The following MTMR6 variants were observed in gnomAD, a reference collection of about 807,000 sequenced individuals.
MTMR6 encodes the protein phosphatidylinositol-3,5-bisphosphate 3-phosphatase MTMR6.
In MTMR6, 47 loss-of-function variants were observed where a neutral mutation model predicts 80.1. That is an observed-to-expected ratio of 0.59 (90% CI 0.46 to 0.75). The LOEUF (loss-of-function observed/expected upper bound fraction) is 0.75, where lower values mean the gene tolerates loss of function less well. Ranked by LOEUF, MTMR6 falls within the 30% of genes least tolerant of loss-of-function variation. MTMR6 has a pLI of 0.00. For missense variants in MTMR6, 629 were observed against 730.9 expected (o/e 0.86, Z 1.61); for synonymous variants, 254 against 253.0 (o/e 1.00, Z -0.04).
In MTMR6 at chr13:25,265,901, C is replaced by T; in HGVS notation, c.509G>A (p.Ser170Asn). ...PRELYVPRIA[S>N]KPIIVGSSKF... ...GGAACTACCAACAATTATTGGTTTG[C>T]TTGCTATCCGGGGAACATAAAGTTC... The change falls in exon 5 of 14, where the codon AGC becomes AAC. Residue 170 changes from serine to asparagine, a missense_variant. Ser to Asn is a conservative substitution (Grantham distance 46, BLOSUM62 1). Coordinates refer to ENST00000381801, the MANE Select transcript of MTMR6 (RefSeq NM_004685.5). 6.2e-7 allele frequency: 1 copy of T among 1,614,040 alleles called. No individual in the cohort carries two copies.
At position 25,249,230 on chromosome 13, in the gene MTMR6, G is replaced by A. The variant is rs762766462; in HGVS notation, c.*2C>T. ...AATCATTGCAGAAAAAACTCTATGA[G>A]TCTAACAAGTCATTCTTGCCACACC... On this transcript the variant is annotated 3_prime_UTR_variant, in exon 14 of 14. Coordinates refer to ENST00000381801, the MANE Select transcript of MTMR6 (RefSeq NM_004685.5). The A allele has an allele frequency of 1.4e-5, 23 of 1,611,822 alleles. No individual in the cohort carries two copies. In the East Asian group the frequency reaches 2.2e-4, roughly 16 times the overall value.
chr13:25,247,916 C>T lies in MTMR6; in HGVS notation c.*1316G>A, dbSNP rs1282002540. The T allele has an allele frequency of 6.6e-6, 1 of 151,932 alleles. No homozygotes were observed. The highest frequency in any genetic ancestry group is 2.4e-5 in the African/African-American group (1 of 41,370). 9.4% of individuals were successfully genotyped at this position (151,932 alleles called of 1,614,324 possible). A position where few individuals can be genotyped will look rare whatever the true frequency, so the allele number is the denominator to read the frequency against. On this transcript the variant is annotated 3_prime_UTR_variant, in exon 14 of 14. Coordinates refer to ENST00000381801, the MANE Select transcript of MTMR6 (RefSeq NM_004685.5). ...GTTATTTAAATTTTCAATTTTAAAG[C>T]CAGTTGGGTGATATTGCTAATTCCA...
chr13:25,266,162 G>T lies in MTMR6; in HGVS notation c.429C>A (p.His143Gln). ...EYKRMGVPNSHWQLSDANRDY... is the reference protein window; with the variant it reads ...EYKRMGVPNSQWQLSDANRDY... ...CCCGGTTGGCATCAGACAACTGCCA[G>T]TGTGAGTTTGGCACTCCCATCCTCT... is the stretch of plus-strand genomic sequence containing the variant. The change falls in exon 4 of 14, where the codon CAC (histidine) becomes CAA (glutamine). Residue 143 changes from histidine (H) to glutamine (Q), a missense_variant. Coordinates refer to ENST00000381801, the MANE Select transcript of MTMR6 (RefSeq NM_004685.5). 1.9e-6 allele frequency: 3 copies of T among 1,613,978 alleles called. No homozygotes were observed. Among genetic ancestry groups the T allele is most frequent in the Non-Finnish European group, 2.5e-6 (3 of 1,179,970 alleles).
chr13:25,278,014 C>G (rs1034378570), intron 1 of MTMR6, among the ~76,000 whole-genome samples: 1 of 152,238 alleles, frequency 6.6e-6, no homozygotes, highest in African/African-American at 2.4e-5. Flanking sequence ...TATGAATCAC[C>G]TCTAAAACTT....
At position 25,247,011 on chromosome 13, in the gene MTMR6, C is replaced by T. The variant is rs1377263187; in HGVS notation, c.*2221G>A. Reference sequence around the variant, plus strand: ...TAGTGATTGTAATATAAGCAAGTGACAGGAACAAAATGAAAACTTAATGAC... The same window carrying T: ...TAGTGATTGTAATATAAGCAAGTGATAGGAACAAAATGAAAACTTAATGAC... On this transcript the variant is annotated 3_prime_UTR_variant, in exon 14 of 14. Transcript: ENST00000381801. 1 of 152,214 alleles carries T rather than the reference C, an allele frequency of 6.6e-6. No homozygotes were observed. The highest frequency in any genetic ancestry group is 1.5e-5 in the Non-Finnish European group (1 of 68,030). 9.4% of individuals were successfully genotyped at this position (152,214 alleles called of 1,614,324 possible). A position where few individuals can be genotyped will look rare whatever the true frequency, so the allele number is the denominator to read the frequency against.
intron 9 of MTMR6, among the ~76,000 whole-genome samples, chr13:25,255,596 T>A (rs1440048628): frequency 6.6e-6 from 1 of 152,158 alleles, no homozygotes; most frequent in Non-Finnish European, 1.5e-5. Flanking sequence ...CAATCTTGGC[T>A]CACTGCAACC....
chr13:25,261,027 G>A (rs1381048239), intron 6 of MTMR6, among the ~76,000 whole-genome samples: 3 of 151,886 alleles, frequency 2.0e-5, no homozygotes, highest in African/African-American at 7.3e-5. Context: ...ATTTAGGCTG[G>A]GCGCAGTGGC....
At chr13:25,281,945 C>T (rs1466532789) in intron 1 of MTMR6, among the ~76,000 whole-genome samples, 2 of 152,134 alleles carry the variant, frequency 1.3e-5, no homozygotes, top group African/African-American at 4.8e-5. Flanking sequence ...TTTTTTCTTA[C>T]TTTGCTTATT....
intron 2 of MTMR6, among the ~76,000 whole-genome samples, chr13:25,268,928 T>C (rs2137580234): frequency 6.6e-6 from 1 of 152,282 alleles, no homozygotes; most frequent in Admixed American, 6.5e-5. Context: ...TCCCACTCCC[T>C]GGCCTCTCCC....
intron 2 of MTMR6, among the ~76,000 whole-genome samples, chr13:25,272,475 T>C (rs2137593264): frequency 6.6e-6 from 1 of 152,210 alleles, no homozygotes; most frequent in South Asian, 2.1e-4. Context: ...TGGGTACATG[T>C]GCAGGTTTGT....
intron 1 of MTMR6, among the ~76,000 whole-genome samples, chr13:25,279,838 T>C (rs1057419287): frequency 6.6e-6 from 1 of 151,832 alleles, no homozygotes; most frequent in African/African-American, 2.4e-5. Flanking sequence ...GTTTATCTGA[T>C]GAAAAAAAAA....
Position 25,282,004 on chromosome 13 carries a change from G to A in MTMR6, c.24+5220C>T, listed in dbSNP as rs189861144. The stretch of plus-strand genomic sequence containing the variant: ...TCAAAAAAAGCAAAGATTTTACAGT[G>A]GCCTTCAAGACTACAGTAACTTGCC... On this transcript the variant is annotated intron_variant, in intron 1 of 13. Transcript: ENST00000381801. 3.4e-3 allele frequency among the ~76,000 whole-genome samples: 525 copies of A among 152,192 alleles called. 9 individuals are homozygous for A. Among genetic ancestry groups the A allele is most frequent in the African/African-American group, 0.012 (506 of 41,528 alleles).
intron 9 of MTMR6, among the ~76,000 whole-genome samples, chr13:25,255,640 C>G (rs142646077): frequency 0.022 from 3,397 of 152,270 alleles, 124 homozygotes; most frequent in African/African-American, 0.076. Flanking sequence ...TCTTCTGCCT[C>G]AGCCTCCTGA....
At chr13:25,254,505 ATTAGT>A (rs1957152876) in intron 9 of MTMR6, 71 bp from the exon 10 acceptor site, 1 of 1,043,764 alleles carries the variant, frequency 9.6e-7, no homozygotes, top group African/African-American at 1.6e-5. Flanking sequence ...ATTAAATCTT[ATTAGT>A]TTAAAAACAG....
intron 5 of MTMR6, among the ~76,000 whole-genome samples, chr13:25,263,018 T>C (rs1252281778): frequency 6.6e-6 from 1 of 152,188 alleles, no homozygotes; most frequent in African/African-American, 2.4e-5. Context: ...CCCTTACCCC[T>C]TTGCCTCTGC....
At chr13:25,260,378 G>A (rs1197449967) in intron 6 of MTMR6, among the ~76,000 whole-genome samples, 1 of 152,110 alleles carries the variant, frequency 6.6e-6, no homozygotes, top group African/African-American at 2.4e-5. Context: ...ATGTTGGTCA[G>A]ACTGGTCTCA....
At position 25,262,206 on chromosome 13, in the gene MTMR6, C is replaced by A. The variant is rs138153635; in HGVS notation, c.592-404G>T. Reference sequence around the variant, plus strand: ...TTAAGTAGCAACACTGGAACTTTTACTTTCTAAAGGTTTTAAGATCTCTAA... The same window carrying A: ...TTAAGTAGCAACACTGGAACTTTTAATTTCTAAAGGTTTTAAGATCTCTAA... On this transcript the variant is annotated intron_variant, in intron 5 of 13. Transcript: ENST00000381801. Among the ~76,000 whole-genome samples the A allele has an allele frequency of 4.1e-3, 627 of 152,262 alleles. 7 individuals carry two copies. Among genetic ancestry groups the A allele is most frequent in the African/African-American group, 0.015 (607 of 41,566 alleles).
chr13:25,259,598 A>G (rs977713485), intron 6 of MTMR6, among the ~76,000 whole-genome samples: 10 of 152,208 alleles, frequency 6.6e-5, no homozygotes, highest in Admixed American at 6.5e-5. Context: ...CCACATTATT[A>G]CTACTTGAGT....
chr13:25,279,972 G>A (rs1192462757), intron 1 of MTMR6, among the ~76,000 whole-genome samples: 4 of 152,182 alleles, frequency 2.6e-5, no homozygotes, highest in Non-Finnish European at 1.5e-5. Context: ...AGAAAATGCT[G>A]AGTTGATTAA....
Sources: gnomAD v4.1 joint callset for allele counts (sites outside exome capture counted in the v4.1 genomes callset) on GRCh38, gnomAD v4.1.1 for gene constraint, MANE v1.5 for transcripts, NCBI Gene and HGNC (gene_info 2026-07-23, HGNC 2026-07-21) for gene names.